The following ADGRV1 variants were observed in gnomAD, a reference collection of about 807,000 sequenced individuals.
The protein encoded by ADGRV1 is G-protein coupled receptor 98.
Under a neutral mutation model 596.2 loss-of-function variants are expected in ADGRV1, and 359 were observed. That is an observed-to-expected ratio of 0.60 (90% CI 0.55 to 0.66). The LOEUF (loss-of-function observed/expected upper bound fraction) is 0.66. Ranked by LOEUF, ADGRV1 falls within the 30% of genes least tolerant of loss-of-function variation. ADGRV1 has a pLI of 0.00. For synonymous variants in ADGRV1, 2,681 were observed against 2,679.2 expected, an observed-to-expected ratio of 1.00 and a Z score of -0.02; for missense variants, 7,274 against 7,575.6, an observed-to-expected ratio of 0.96 and a Z score of 1.48.
chr5:90,884,407 C>G (rs935063438), intron 83 of ADGRV1, among the ~76,000 whole-genome samples: 2 of 152,078 alleles, frequency 1.3e-5, no homozygotes, highest in South Asian at 2.1e-4. Flanking sequence ...ATTACAGAAC[C>G]GTTACCTCCT....
intron 55 of ADGRV1, among the ~76,000 whole-genome samples, chr5:90,755,680 G>C (rs903642209): frequency 3.3e-5 from 5 of 151,740 alleles, no homozygotes; most frequent in Non-Finnish European, 7.4e-5. Context: ...GAGAAGAACA[G>C]AGAAAGAGAG....
At chr5:91,134,758 C>A (rs1283380202) in intron 87 of ADGRV1, among the ~76,000 whole-genome samples, 1 of 151,740 alleles carries the variant, frequency 6.6e-6, no homozygotes. Context: ...TTTATTTGTT[C>A]TAAAAATTAC....
At chr5:91,094,960 G>C (rs898583636) in intron 86 of ADGRV1, among the ~76,000 whole-genome samples, 18 of 152,172 alleles carry the variant, frequency 1.2e-4, no homozygotes, top group Middle Eastern at 6.3e-3. Flanking sequence ...AGTGTTGATA[G>C]AGTCTAGCCT....
chr5:91,091,281 C>A (rs577838693), intron 86 of ADGRV1, among the ~76,000 whole-genome samples: 1 of 152,248 alleles, frequency 6.6e-6, no homozygotes, highest in African/African-American at 2.4e-5. Context: ...TCCTGCAGCC[C>A]AAAAGCAATT....
At position 90,622,602 on chromosome 5, in the gene ADGRV1, C is replaced by T; in HGVS notation, c.459C>T (p.Pro153=). 7.0e-7 allele frequency: 1 copy of T among 1,438,164 alleles called. No individual in the cohort carries two copies. The allele number at this position is 1,438,164 out of a possible 1,614,324, so 89.1% of individuals were successfully genotyped here. A position where few individuals can be genotyped will look rare whatever the true frequency, so the allele number is the denominator to read the frequency against. ...GTGCTTGCTTTCCTCAATAGCTTCC[C>T]TCAATCGCAGTGAGTGAGCCCAAGG... ...AFGIISFNML[P]SIAVSEPKGR... The change falls in exon 5 of 90, where the codon CCC becomes CCT. Residue 153 remains proline (P), a synonymous_variant. Coordinates refer to ENST00000405460, the MANE Select transcript of ADGRV1 (RefSeq NM_032119.4).
At chr5:91,114,775 G>A (rs957376751) in intron 87 of ADGRV1, among the ~76,000 whole-genome samples, 2 of 152,232 alleles carry the variant, frequency 1.3e-5, no homozygotes, top group Non-Finnish European at 2.9e-5. Flanking sequence ...CTTAGCTTCT[G>A]AGCAGCTGCT....
chr5:90,668,651 TA>T (rs1345371707), intron 21 of ADGRV1, among the ~76,000 whole-genome samples: 1 of 152,186 alleles, frequency 6.6e-6, no homozygotes, highest in African/African-American at 2.4e-5. Context: ...TAGTTTTTTT[TA>T]ATGGACGCTT....
At chr5:90,579,447 T>G (rs926680624) in intron 1 of ADGRV1, among the ~76,000 whole-genome samples, 1 of 152,208 alleles carries the variant, frequency 6.6e-6, no homozygotes, top group African/African-American at 2.4e-5. Context: ...AAGTTCTAAT[T>G]TGATTGCACT....
At chr5:91,135,195 G>T (rs1444364446) in intron 87 of ADGRV1, among the ~76,000 whole-genome samples, 1 of 146,194 alleles carries the variant, frequency 6.8e-6, no homozygotes. Context: ...AAAAAAAAAA[G>T]GAAAATTTAA....
chr5:91,017,524 G>C (rs937972473), intron 85 of ADGRV1, among the ~76,000 whole-genome samples: 3 of 151,888 alleles, frequency 2.0e-5, no homozygotes, highest in Non-Finnish European at 4.4e-5. Flanking sequence ...GGGGGTGATT[G>C]CAGGCAAAAC....
At chr5:90,922,424 C>G (rs1773964124) in intron 83 of ADGRV1, among the ~76,000 whole-genome samples, 1 of 152,162 alleles carries the variant, frequency 6.6e-6, no homozygotes, top group Admixed American at 6.5e-5. Context: ...GGTTGTTTCT[C>G]TGGCTTTTCA....
At chr5:91,012,702 A>G (rs1581786784) in intron 85 of ADGRV1, among the ~76,000 whole-genome samples, 1 of 152,020 alleles carries the variant, frequency 6.6e-6, no homozygotes, top group Non-Finnish European at 1.5e-5. Flanking sequence ...TTTAAAATAC[A>G]TAATTATATA....
At chr5:90,998,215 A>G (rs1200084004) in intron 85 of ADGRV1, among the ~76,000 whole-genome samples, 38 of 152,182 alleles carry the variant, frequency 2.5e-4, no homozygotes, top group Admixed American at 2.5e-3. Context: ...TTCATCATAA[A>G]TGAGAAAGAA....
intron 74 of ADGRV1, among the ~76,000 whole-genome samples, chr5:90,813,841 C>T (rs1274677991): frequency 6.6e-6 from 1 of 152,082 alleles, no homozygotes; most frequent in Non-Finnish European, 1.5e-5. Context: ...GATTTTAGAA[C>T]AAACTTTCTG....
intron 86 of ADGRV1, among the ~76,000 whole-genome samples, chr5:91,082,790 A>G (rs1192140604): frequency 6.6e-6 from 1 of 152,146 alleles, no homozygotes; most frequent in Non-Finnish European, 1.5e-5. Context: ...GTAACACACT[A>G]TGGCTCTCTC....
intron 85 of ADGRV1, among the ~76,000 whole-genome samples, chr5:91,027,573 T>G (rs573532974): frequency 1.4e-4 from 21 of 152,144 alleles, no homozygotes; most frequent in Non-Finnish European, 2.5e-4. Flanking sequence ...CTCTGCTCTG[T>G]GCTGAAGGCA....
intron 83 of ADGRV1, among the ~76,000 whole-genome samples, chr5:90,891,644 T>G (rs1770834922): frequency 6.6e-6 from 1 of 151,964 alleles, no homozygotes. Flanking sequence ...TAAAATGTTT[T>G]ACTACAAAAT....
At chr5:90,617,693 C>T in intron 2 of ADGRV1, 111 bp from the exon 3 acceptor site, 1 of 894,512 alleles carries the variant, frequency 1.1e-6, no homozygotes, top group Non-Finnish European at 1.7e-6. Context: ...TATCTATAAA[C>T]ATAAATGTCA....
At chr5:90,624,459 T>G (rs753640585) in intron 5 of ADGRV1, among the ~76,000 whole-genome samples, 3 of 152,166 alleles carry the variant, frequency 2.0e-5, no homozygotes, top group Non-Finnish European at 2.9e-5. Flanking sequence ...ATAAGTAACA[T>G]TTTTGGAGTG....
Sources: allele counts gnomAD v4.1 joint callset (sites outside exome capture counted in the v4.1 genomes callset), GRCh38; gene constraint gnomAD v4.1.1; transcripts MANE v1.5; gene names NCBI Gene and HGNC (gene_info 2026-07-23, HGNC 2026-07-21).